GALNT7: variants seen among roughly 807,000 people sequenced by gnomAD.
GALNT7 encodes polypeptide N-acetylgalactosaminyltransferase 7, also known as N-acetylgalactosaminyltransferase 7.
A neutral mutation model predicts 82.1 loss-of-function variants in GALNT7; 60 were observed. The observed-to-expected ratio is 0.73, with a 90% CI of 0.59 to 0.91. The LOEUF (loss-of-function observed/expected upper bound fraction) is 0.91. Ranked by LOEUF, GALNT7 falls within the 40% of genes least tolerant of loss-of-function variation. GALNT7 has a pLI of 0.00. For synonymous variants in GALNT7, 243 were observed against 275.1 expected, an observed-to-expected ratio of 0.88 and a Z score of 1.15; for missense variants, 660 against 804.2, an observed-to-expected ratio of 0.82 and a Z score of 2.17.
At chr4:173,278,239 G>A (rs990175755) in intron 2 of GALNT7, among the ~76,000 whole-genome samples, 3 of 152,248 alleles carry the variant, frequency 2.0e-5, no homozygotes, top group Non-Finnish European at 4.4e-5. Flanking sequence ...AGGAGACTGT[G>A]TGATAGATAC....
chr4:173,291,726 G>T (rs947537506), intron 2 of GALNT7, among the ~76,000 whole-genome samples: 1 of 149,620 alleles, frequency 6.7e-6, no homozygotes, highest in African/African-American at 2.5e-5. Context: ...GGTTTATTTA[G>T]CAAGTGAAAT....
chr4:173,290,931 G>A (rs1168706085), intron 2 of GALNT7, among the ~76,000 whole-genome samples: 1 of 152,166 alleles, frequency 6.6e-6, no homozygotes, highest in East Asian at 1.9e-4. Context: ...CCCTAGGACA[G>A]CAAAGGTGCC....
chr4:173,169,615 T>A (rs1277398229), intron 1 of GALNT7: 2 of 151,348 alleles, frequency 1.3e-5, no homozygotes, highest in African/African-American at 4.8e-5. Context: ...CGGGGTGCGA[T>A]GCGCGGCCGA....
At chr4:173,281,607 G>A (rs1736112105) in intron 2 of GALNT7, among the ~76,000 whole-genome samples, 1 of 152,182 alleles carries the variant, frequency 6.6e-6, no homozygotes, top group Non-Finnish European at 1.5e-5. Context: ...TGTGGAAAGG[G>A]AAGTTGTCTC....
At chr4:173,299,048 G>A (rs189374319) in intron 6 of GALNT7, among the ~76,000 whole-genome samples, 9 of 152,270 alleles carry the variant, frequency 5.9e-5, no homozygotes, top group Admixed American at 5.2e-4. Flanking sequence ...TTGCTCAAGT[G>A]TTAGTATAGC....
At chr4:173,294,993 A>ATTGTATAGT (rs1384508226) in intron 3 of GALNT7, among the ~76,000 whole-genome samples, 2 of 152,160 alleles carry the variant, frequency 1.3e-5, no homozygotes, top group Non-Finnish European at 2.9e-5. Context: ...TTCCAGTGCA[A>ATTGTATAGT]TTGTATAGTA....
intron 1 of GALNT7, chr4:173,169,242 C>T (rs1248066799): frequency 6.7e-6 from 1 of 148,370 alleles, no homozygotes; most frequent in African/African-American, 2.4e-5. Context: ...CTCGGGCGGC[C>T]GCTCTCCGCG....
rs1026535907 is a variant in GALNT7, at chr4:173,321,455, G to C, written c.1837-125G>C. The stretch of plus-strand genomic sequence containing the variant: ...GACAATCAAGAGAAATCCAAAGTCT[G>C]AGGTGTGGTTGAGAAGCTTTTCCAT... On this transcript the variant is annotated intron_variant, in intron 11 of 11. Coordinates refer to ENST00000265000, the MANE Select transcript of GALNT7 (RefSeq NM_017423.3). 4 of 669,362 alleles carry C rather than the reference G, an allele frequency of 6.0e-6. No homozygotes were observed. The African/African-American group carries it at 7.2e-5, about 12-fold the overall frequency. The allele number at this position is 669,362 out of a possible 1,614,324, so 41.5% of individuals were successfully genotyped here. A position where few individuals can be genotyped will look rare whatever the true frequency, so the allele number is the denominator to read the frequency against.
chr4:173,289,278 C>CT (rs772066852), intron 2 of GALNT7, among the ~76,000 whole-genome samples: 12 of 152,128 alleles, frequency 7.9e-5, no homozygotes, highest in Admixed American at 2.6e-4. Flanking sequence ...CTTCCTGCAC[C>CT]TAAATATGTT....
intron 8 of GALNT7, among the ~76,000 whole-genome samples, chr4:173,308,647 G>A (rs1461084554): frequency 6.6e-6 from 1 of 152,194 alleles, no homozygotes; most frequent in Non-Finnish European, 1.5e-5. Flanking sequence ...GCTCACACCT[G>A]TAATCCCAGC....
chr4:173,295,314 G>A, intron 3 of GALNT7, 82 bp from the exon 4 acceptor site: 3 of 958,394 alleles, frequency 3.1e-6, no homozygotes, highest in Non-Finnish European at 5.0e-6. Flanking sequence ...CAATGCACCT[G>A]TATTCTTGTT....
chr4:173,250,706 A>G (rs1040579461), intron 2 of GALNT7, among the ~76,000 whole-genome samples: 3 of 152,010 alleles, frequency 2.0e-5, no homozygotes, highest in South Asian at 2.1e-4. Flanking sequence ...GTGCCTTCCC[A>G]TTGCACTTAA....
At chr4:173,220,799 A>G (rs554832857) in intron 1 of GALNT7, among the ~76,000 whole-genome samples, 16 of 151,660 alleles carry the variant, frequency 1.1e-4, no homozygotes, top group African/African-American at 3.1e-4. Flanking sequence ...ATAATTTCCA[A>G]CTTCATCCAT....
chr4:173,237,112 CTAGTCGTGCCATGGTAATA>C, intron 1 of GALNT7, among the ~76,000 whole-genome samples: 1 of 152,172 alleles, frequency 6.6e-6, no homozygotes, highest in South Asian at 2.1e-4. Flanking sequence ...AAATGGATTT[CTAGTCGTGCCATGGTAATA>C]AAATGTTGTT....
intron 1 of GALNT7, among the ~76,000 whole-genome samples, chr4:173,219,582 T>C (rs990848580): frequency 1.3e-5 from 2 of 152,214 alleles, no homozygotes; most frequent in African/African-American, 4.8e-5. Context: ...TTTTCCACAG[T>C]GGTTGTACTA....
chr4:173,180,685 C>T (rs370509519), intron 1 of GALNT7, among the ~76,000 whole-genome samples: 4 of 152,162 alleles, frequency 2.6e-5, no homozygotes, highest in Admixed American at 2.0e-4. Context: ...TTTGCATAGC[C>T]ATTTCAAAAC....
chr4:173,197,902 C>T (rs939269156), intron 1 of GALNT7, among the ~76,000 whole-genome samples: 6 of 152,182 alleles, frequency 3.9e-5, no homozygotes, highest in Non-Finnish European at 8.8e-5. Flanking sequence ...ACATCAGAGC[C>T]TCACTTTCCT....
At chr4:173,173,264 C>T (rs1185347116) in intron 1 of GALNT7, among the ~76,000 whole-genome samples, 2 of 150,956 alleles carry the variant, frequency 1.3e-5, no homozygotes, top group Non-Finnish European at 1.5e-5. Flanking sequence ...TTAGTCTTTG[C>T]CCTCTGGATA....
chr4:173,168,873 T>A lies in GALNT7; in HGVS notation c.38T>A (p.Leu13Gln). ...LKIGFILRSL[L>Q]VVGSFLGLVV... ...ATTGGGTTCATCTTACGCAGTTTGC[T>A]GGTGGTGGGAAGCTTCCTGGGGCTA... The change falls in exon 1 of 12, where the codon CTG (leucine) becomes CAG (glutamine). Residue 13 changes from leucine to glutamine, a missense_variant. Coordinates refer to ENST00000265000, the MANE Select transcript of GALNT7 (RefSeq NM_017423.3). 1 of 1,613,308 alleles carries A rather than the reference T, an allele frequency of 6.2e-7. No homozygotes were observed. The highest frequency in any genetic ancestry group is 8.5e-7 in the Non-Finnish European group (1 of 1,179,560).
Sources: allele counts gnomAD v4.1 joint callset (sites outside exome capture counted in the v4.1 genomes callset), GRCh38; gene constraint gnomAD v4.1.1; transcripts MANE v1.5; gene names NCBI Gene and HGNC (gene_info 2026-07-23, HGNC 2026-07-21).